The following RBFOX1 variants were observed in gnomAD, a reference collection of about 807,000 sequenced individuals.
RBFOX1 encodes the protein RNA binding fox-1 homolog 1.
In RBFOX1, 8 loss-of-function variants were observed where a neutral mutation model predicts 57.7. The observed-to-expected ratio is 0.14, with a 90% CI of 0.08 to 0.25. The LOEUF is 0.25. Among genes scored for constraint, RBFOX1 ranks in the 10% least tolerant of loss-of-function variants. The pLI is 1.00. For missense variants in RBFOX1, 611 were observed against 548.5 expected (o/e 1.11, Z -1.14); for synonymous variants, 326 against 222.4 (o/e 1.47, Z -4.15).
chr16:6,575,880 A>AATAC (rs2097427164), intron 2 of RBFOX1, among the ~76,000 whole-genome samples: 2 of 151,268 alleles, frequency 1.3e-5, no homozygotes, highest in African/African-American at 4.8e-5. Context: ...TAAATAAATA[A>AATAC]ATAAATAAAT....
chr16:6,123,444 A>G (rs1344068247), intron 1 of RBFOX1, among the ~76,000 whole-genome samples: 1 of 152,242 alleles, frequency 6.6e-6, no homozygotes, highest in Admixed American at 6.5e-5. Context: ...TAGGGATACT[A>G]AAGTAGTCAA....
intron 1 of RBFOX1, among the ~76,000 whole-genome samples, chr16:5,319,603 A>G (rs1028377969): frequency 1.3e-5 from 2 of 152,138 alleles, no homozygotes; most frequent in Non-Finnish European, 2.9e-5. Flanking sequence ...CTTGTCTTGG[A>G]TGGGTTCCCA....
At chr16:7,444,491 A>T (rs2098793551) in intron 4 of RBFOX1, among the ~76,000 whole-genome samples, 1 of 152,138 alleles carries the variant, frequency 6.6e-6, no homozygotes, top group South Asian at 2.1e-4. Flanking sequence ...TAAATAATAA[A>T]GATGTTCTGC....
intron 1 of RBFOX1, among the ~76,000 whole-genome samples, chr16:6,095,167 G>C (rs1317466113): frequency 6.6e-6 from 1 of 152,154 alleles, no homozygotes; most frequent in Non-Finnish European, 1.5e-5. Flanking sequence ...CATTACTGGA[G>C]GTTATTAACA....
chr16:5,749,170 C>T (rs532114420), intron 3 of RBFOX1, among the ~76,000 whole-genome samples: 1 of 152,098 alleles, frequency 6.6e-6, no homozygotes, highest in Non-Finnish European at 1.5e-5. Flanking sequence ...GTTGAAAATT[C>T]TTTAAGAATG....
chr16:7,181,561 T>C (rs1041597453), intron 4 of RBFOX1, among the ~76,000 whole-genome samples: 1 of 151,724 alleles, frequency 6.6e-6, no homozygotes, highest in African/African-American at 2.4e-5. Flanking sequence ...TCATCTCTCT[T>C]TCTCTCTTCC....
intron 4 of RBFOX1, among the ~76,000 whole-genome samples, chr16:5,869,302 C>T (rs941706430): frequency 3.3e-5 from 5 of 152,122 alleles, no homozygotes; most frequent in African/African-American, 9.7e-5. Context: ...CATCTTTCTT[C>T]GTTTCCCCAG....
chr16:6,979,530 C>T (rs1031208236), intron 3 of RBFOX1, among the ~76,000 whole-genome samples: 3 of 152,142 alleles, frequency 2.0e-5, no homozygotes, highest in Non-Finnish European at 2.9e-5. Flanking sequence ...AAATGAATAT[C>T]TTCAATTGGA....
chr16:7,390,241 C>T (rs1434654890), intron 4 of RBFOX1, among the ~76,000 whole-genome samples: 3 of 152,182 alleles, frequency 2.0e-5, no homozygotes, highest in Non-Finnish European at 2.9e-5. Context: ...AGAACTACAG[C>T]TGGACATGAG....
intron 7 of RBFOX1, among the ~76,000 whole-genome samples, chr16:7,591,514 G>T (rs2094441844): frequency 6.6e-6 from 1 of 152,192 alleles, no homozygotes; most frequent in South Asian, 2.1e-4. Context: ...TGTATGATTT[G>T]CGAAAATATT....
At chr16:6,935,436 CTCT>C (rs1597691038) in intron 3 of RBFOX1, among the ~76,000 whole-genome samples, 1 of 152,158 alleles carries the variant, frequency 6.6e-6, no homozygotes, top group African/African-American at 2.4e-5. Context: ...CTTTTTCTCT[CTCT>C]TCTTGTCAAT....
chr16:6,588,078 A>C (rs185595336), intron 2 of RBFOX1, among the ~76,000 whole-genome samples: 35 of 151,856 alleles, frequency 2.3e-4, no homozygotes, highest in Middle Eastern at 3.4e-3. Context: ...TAAAAATACA[A>C]AAATTAGCTG....
At chr16:7,206,463 A>G (rs1250329011) in intron 4 of RBFOX1, among the ~76,000 whole-genome samples, 1 of 148,702 alleles carries the variant, frequency 6.7e-6, no homozygotes, top group Non-Finnish European at 1.5e-5. Context: ...AATATATATA[A>G]TATGCGTGTG....
intron 2 of RBFOX1, among the ~76,000 whole-genome samples, chr16:6,568,675 G>A (rs1360935012): frequency 6.6e-6 from 1 of 152,152 alleles, no homozygotes; most frequent in Non-Finnish European, 1.5e-5. Flanking sequence ...GATAGAACAT[G>A]TAACTCTGTA....
At chr16:6,876,538 G>A (rs1053917669) in intron 3 of RBFOX1, among the ~76,000 whole-genome samples, 1 of 151,988 alleles carries the variant, frequency 6.6e-6, no homozygotes, top group Admixed American at 6.6e-5. Context: ...ATATTTGTTT[G>A]CAAAAAATTA....
intron 13 of RBFOX1, 95 bp downstream of exon 13, chr16:7,665,063 G>T: frequency 6.2e-7 from 1 of 1,610,034 alleles, no homozygotes; most frequent in Non-Finnish European, 8.5e-7. Context: ...GCGTAGTTGA[G>T]TTTCTCTCCT....
chr16:7,676,861 T>G (rs781139595), intron 14 of RBFOX1, 23 bp downstream of exon 14: 8 of 1,591,842 alleles, frequency 5.0e-6, no homozygotes, highest in African/African-American at 1.3e-5. Context: ...CTTCTTGTGC[T>G]TGACAACTAC....
chr16:7,459,168 A>AGGTG (rs1397729860), intron 4 of RBFOX1, among the ~76,000 whole-genome samples: 1 of 152,056 alleles, frequency 6.6e-6, no homozygotes, highest in African/African-American at 2.4e-5. Flanking sequence ...TGGACTGAAT[A>AGGTG]GGTGGGTGGG....
At chr16:6,527,094 C>T (rs1351430912) in intron 2 of RBFOX1, among the ~76,000 whole-genome samples, 3 of 151,880 alleles carry the variant, frequency 2.0e-5, no homozygotes, top group African/African-American at 7.3e-5. Context: ...GTACCCATTG[C>T]CTTTCTTTTT....
Sources: gnomAD v4.1 joint callset for allele counts (sites outside exome capture counted in the v4.1 genomes callset) on GRCh38, gnomAD v4.1.1 for gene constraint, MANE v1.5 for transcripts, NCBI Gene and HGNC (gene_info 2026-07-23, HGNC 2026-07-21) for gene names.